Variants in CDH12 observed in about 807,000 individuals in gnomAD.
CDH12 encodes cadherin 12.
In CDH12, 41 loss-of-function variants were observed where a neutral mutation model predicts 74.1. The ratio of observed to expected loss-of-function variants is 0.55; its 90% CI spans 0.43 to 0.72. CDH12 has a LOEUF of 0.72. Among genes scored for constraint, CDH12 ranks in the 30% least tolerant of loss-of-function variants. The probability of loss-of-function intolerance (pLI) is 0.00; values close to 1 mark genes in which losing one functional copy is unlikely to be tolerated. For missense variants in CDH12, 945 were observed against 977.2 expected, an observed-to-expected ratio of 0.97 and a Z score of 0.44; for synonymous variants, 399 against 355.0, an observed-to-expected ratio of 1.12 and a Z score of -1.39.
intron 1 of CDH12, among the ~76,000 whole-genome samples, chr5:22,679,016 G>A (rs1176932067): frequency 1.3e-5 from 2 of 152,070 alleles, no homozygotes; most frequent in African/African-American, 2.4e-5. Flanking sequence ...GTACAGTTGA[G>A]GTTATCCATG....
intron 3 of CDH12, among the ~76,000 whole-genome samples, chr5:22,218,210 G>T (rs983395592): frequency 1.5e-4 from 23 of 151,606 alleles, no homozygotes; most frequent in Admixed American, 3.9e-4. Context: ...TTAAACGTAT[G>T]CCTATCGTGT....
At chr5:22,456,722 G>A (rs1179171264) in intron 2 of CDH12, among the ~76,000 whole-genome samples, 1 of 152,026 alleles carries the variant, frequency 6.6e-6, no homozygotes, top group Admixed American at 6.6e-5. Context: ...ATTAGCTCAT[G>A]CAAGTTTCAG....
At chr5:22,418,742 G>A (rs754719824) in intron 2 of CDH12, among the ~76,000 whole-genome samples, 8 of 152,014 alleles carry the variant, frequency 5.3e-5, no homozygotes, top group Middle Eastern at 3.2e-3. Flanking sequence ...AAACTAGCCC[G>A]GCATGGTGGC....
At chr5:22,127,478 G>GAT (rs1554013259) in intron 4 of CDH12, among the ~76,000 whole-genome samples, 1 of 106,790 alleles carries the variant, frequency 9.4e-6, no homozygotes, top group Non-Finnish European at 1.8e-5. Flanking sequence ...ACTCCATCTC[G>GAT]AAAAAAAAAA....
intron 3 of CDH12, among the ~76,000 whole-genome samples, chr5:22,214,667 G>A (rs372442266): frequency 2.0e-5 from 3 of 152,122 alleles, no homozygotes; most frequent in Non-Finnish European, 4.4e-5. Flanking sequence ...TTATTAAAAC[G>A]TTAAGACAGG....
intron 3 of CDH12, among the ~76,000 whole-genome samples, chr5:22,260,224 T>TTG (rs949662159): frequency 3.9e-5 from 6 of 152,102 alleles, no homozygotes; most frequent in Non-Finnish European, 8.8e-5. Context: ...TTTTAAATTC[T>TTG]TGTGTGTGTG....
chr5:21,965,325 T>TA (rs1756532705), intron 6 of CDH12, among the ~76,000 whole-genome samples: 2 of 152,056 alleles, frequency 1.3e-5, no homozygotes, highest in South Asian at 2.1e-4. Context: ...AAGGGTATAT[T>TA]AAAAAAAGAC....
chr5:22,062,854 T>C (rs1741285588), intron 5 of CDH12, among the ~76,000 whole-genome samples: 1 of 152,126 alleles, frequency 6.6e-6, no homozygotes, highest in African/African-American at 2.4e-5. Context: ...GAGTTGGTAT[T>C]ATGAGCCTTG....
chr5:22,190,729 T>A (rs533068760), intron 4 of CDH12, among the ~76,000 whole-genome samples: 3 of 152,164 alleles, frequency 2.0e-5, no homozygotes, highest in Non-Finnish European at 4.4e-5. Flanking sequence ...CAACAGTGCC[T>A]AGCAGACCTG....
intron 1 of CDH12, among the ~76,000 whole-genome samples, chr5:22,665,778 T>C (rs1740582457): frequency 1.3e-5 from 2 of 152,178 alleles, no homozygotes; most frequent in Admixed American, 1.3e-4. Flanking sequence ...TCCAAATTAT[T>C]TCCTTTCCAC....
At chr5:22,447,551 C>A (rs536772564) in intron 2 of CDH12, among the ~76,000 whole-genome samples, 10 of 152,088 alleles carry the variant, frequency 6.6e-5, no homozygotes, top group Non-Finnish European at 1.3e-4. Context: ...ATAATACATG[C>A]TTGGATTAAA....
chr5:22,227,684 T>C (rs1752241940), intron 3 of CDH12, among the ~76,000 whole-genome samples: 1 of 152,138 alleles, frequency 6.6e-6, no homozygotes, highest in Non-Finnish European at 1.5e-5. Context: ...ACTGGGAAAC[T>C]TCAAAGATAT....
chr5:21,950,772 ATTATTATTATTATTATTATTAT>A (rs2150100406), intron 6 of CDH12, among the ~76,000 whole-genome samples: 1 of 102,492 alleles, frequency 9.8e-6, no homozygotes, highest in African/African-American at 4.5e-5. Flanking sequence ...TATTATTATT[ATTATTATTATTATTATTATTAT>A]TATTATTTTG....
chr5:22,204,897 T>C (rs1751134709), intron 4 of CDH12, among the ~76,000 whole-genome samples: 2 of 152,166 alleles, frequency 1.3e-5, no homozygotes, highest in Admixed American at 1.3e-4. Context: ...AGTCTGTACA[T>C]ATGTTCCATG....
intron 11 of CDH12, among the ~76,000 whole-genome samples, chr5:21,776,536 C>T (rs1201304002): frequency 6.6e-6 from 1 of 152,026 alleles, no homozygotes; most frequent in Admixed American, 6.6e-5. Flanking sequence ...GTCTTTCTAC[C>T]CTTAAAATCT....
intron 1 of CDH12, among the ~76,000 whole-genome samples, chr5:22,588,016 T>C (rs952901372): frequency 2.0e-5 from 3 of 149,306 alleles, no homozygotes; most frequent in Non-Finnish European, 4.4e-5. Context: ...CTACCAAATA[T>C]ATCCATATTA....
chr5:22,798,395 T>C (rs565707058), intron 1 of CDH12, among the ~76,000 whole-genome samples: 1 of 152,180 alleles, frequency 6.6e-6, no homozygotes, highest in South Asian at 2.1e-4. Flanking sequence ...TCATATATAT[T>C]TTTTAAATTT....
At chr5:22,726,091 T>C (rs1744150038) in intron 1 of CDH12, among the ~76,000 whole-genome samples, 1 of 151,678 alleles carries the variant, frequency 6.6e-6, no homozygotes, top group African/African-American at 2.4e-5. Flanking sequence ...CCCCTTCTTG[T>C]TATATATTTT....
chr5:22,697,280 G>T (rs1365207036), intron 1 of CDH12, among the ~76,000 whole-genome samples: 2 of 152,122 alleles, frequency 1.3e-5, no homozygotes, highest in Non-Finnish European at 2.9e-5. Flanking sequence ...TTATATAAAA[G>T]AAAACAGCCA....
Sources: gnomAD v4.1 joint callset for allele counts (sites outside exome capture counted in the v4.1 genomes callset) on GRCh38, gnomAD v4.1.1 for gene constraint, MANE v1.5 for transcripts, NCBI Gene and HGNC (gene_info 2026-07-23, HGNC 2026-07-21) for gene names.